Variants in NFATC1 observed in about 807,000 individuals in gnomAD.
NFATC1 encodes the protein nuclear factor of activated T cells 1.
Under a neutral mutation model 76.0 loss-of-function variants are expected in NFATC1, and 22 were observed. That is an observed-to-expected ratio of 0.29 (90% CI 0.21 to 0.41). NFATC1 has a LOEUF of 0.41. Ranked by LOEUF, NFATC1 falls within the 10% of genes least tolerant of loss-of-function variation. The pLI, the probability that NFATC1 is intolerant of heterozygous loss-of-function variation, is 1.00. For missense variants in NFATC1, 1,357 were observed against 1,337.7 expected (o/e 1.01, Z -0.23); for synonymous variants, 704 against 613.1 (o/e 1.15, Z -2.19).
chr18:79,494,175 C>T (rs1207043069), intron 9 of NFATC1, among the ~76,000 whole-genome samples: 4 of 152,252 alleles, frequency 2.6e-5, no homozygotes, highest in African/African-American at 2.4e-5. Context: ...AGCCAGCGAC[C>T]GCGAGGGACA....
intron 2 of NFATC1, among the ~76,000 whole-genome samples, chr18:79,429,220 CAA>C (rs397858514): frequency 0.34 from 32,944 of 96,188 alleles, 4,774 homozygotes; most frequent in African/African-American, 0.53. Context: ...GACTCCGTCT[CAA>C]AAAAAAAAAA....
At chr18:79,506,092 G>A (rs1252495088) in intron 9 of NFATC1, among the ~76,000 whole-genome samples, 1 of 152,176 alleles carries the variant, frequency 6.6e-6, no homozygotes, top group South Asian at 2.1e-4. Flanking sequence ...GGGGCTGGGA[G>A]ACCCTAGCAA....
At chr18:79,507,326 G>A (rs1044431254) in intron 9 of NFATC1, among the ~76,000 whole-genome samples, 1 of 152,274 alleles carries the variant, frequency 6.6e-6, no homozygotes, top group Non-Finnish European at 1.5e-5. Context: ...AGAAGGCACA[G>A]CAGCCTGGAC....
intron 8 of NFATC1, among the ~76,000 whole-genome samples, chr18:79,474,808 C>T (rs1406914932): frequency 8.3e-5 from 12 of 144,730 alleles, no homozygotes; most frequent in African/African-American, 2.1e-4. Flanking sequence ...ACACTGTCGA[C>T]GTAAACCTGA....
chr18:79,451,182 C>A, intron 5 of NFATC1, 56 bp downstream of exon 5: 1 of 1,552,792 alleles, frequency 6.4e-7, no homozygotes, highest in Non-Finnish European at 8.8e-7. Flanking sequence ...ACATGCGCTT[C>A]ACTGTCTCAC....
intron 8 of NFATC1, among the ~76,000 whole-genome samples, chr18:79,472,214 G>A (rs1015206481): frequency 3.3e-5 from 5 of 152,238 alleles, no homozygotes; most frequent in African/African-American, 9.6e-5. Flanking sequence ...ACCCAGGGTC[G>A]ACAGCTGGGG....
rs750826698 is a variant in NFATC1, at chr18:79,486,594, G to A, written c.2439G>A (p.Ser813=). The A allele has an allele frequency of 1.0e-4, 164 of 1,589,512 alleles. No individual in the cohort carries two copies. The highest frequency in any genetic ancestry group is 1.2e-4 in the Non-Finnish European group (140 of 1,172,612). Reference sequence around the variant, plus strand: ...GGCCAGTGGCCACGCACCCCGGCTCGCCCGGGCAGCCACCCCCGGCCCTGC... The same window carrying A: ...GGCCAGTGGCCACGCACCCCGGCTCACCCGGGCAGCCACCCCCGGCCCTGC... ...VPRPVATHPG[S]PGQPPPALLP... The change falls in exon 9 of 10, where the codon TCG becomes TCA. Residue 813 remains serine, a synonymous_variant. Coordinates refer to ENST00000427363, the MANE Select transcript of NFATC1 (RefSeq NM_001278669.2).
chr18:79,399,550 G>A (rs1426763253), intron 1 of NFATC1, among the ~76,000 whole-genome samples: 1 of 152,266 alleles, frequency 6.6e-6, no homozygotes, highest in Non-Finnish European at 1.5e-5. Flanking sequence ...GGCGGCCTCA[G>A]CTAAGCAGCC....
chr18:79,415,068 A>T (rs141581344), intron 2 of NFATC1, among the ~76,000 whole-genome samples: 3 of 152,302 alleles, frequency 2.0e-5, no homozygotes, highest in Non-Finnish European at 4.4e-5. Context: ...GTCCATGTCC[A>T]GGTCTGTCTG....
Position 79,395,962 on chromosome 18 carries a change from G to C in NFATC1, c.-263G>C, listed in dbSNP as rs1450409960. 2 of 199,338 alleles carry C rather than the reference G, an allele frequency of 1.0e-5. No individual in the cohort carries two copies. Among genetic ancestry groups the C allele is most frequent in the Non-Finnish European group, 2.0e-5 (2 of 100,934 alleles). The allele number at this position is 199,338 out of a possible 1,614,324, so 12.3% of individuals were successfully genotyped here. A position where few individuals can be genotyped will look rare whatever the true frequency, so the allele number is the denominator to read the frequency against. On this transcript the variant is annotated 5_prime_UTR_variant, in exon 1 of 10. Transcript: ENST00000427363. The stretch of plus-strand genomic sequence containing the variant: ...AGCGAGACTCAGAGGCTCCGAACTC[G>C]CCGGCGGAGTCGCCGCGCCAGATCC...
At chr18:79,398,219 C>T (rs1021378102) in intron 1 of NFATC1, among the ~76,000 whole-genome samples, 1 of 152,248 alleles carries the variant, frequency 6.6e-6, no homozygotes, top group Non-Finnish European at 1.5e-5. Context: ...GAAGTACAGG[C>T]CTGTAAGTAG....
intron 9 of NFATC1, among the ~76,000 whole-genome samples, chr18:79,493,034 T>C (rs542173490): frequency 7.6e-4 from 115 of 152,116 alleles, no homozygotes; most frequent in African/African-American, 2.7e-3. Context: ...TCCTGAATAT[T>C]GGGCTTTCCC....
rs769706337 is a variant in NFATC1, at chr18:79,410,943, G to A, written c.668G>A (p.Arg223His). The A allele has an allele frequency of 1.0e-5, 16 of 1,602,356 alleles. No homozygotes were observed. Among genetic ancestry groups the A allele is most frequent in the South Asian group, 7.8e-5 (7 of 89,704 alleles). Residue 223 changes from arginine to histidine, a missense_variant, in exon 2 of 10, where the codon CGC becomes CAC. By Grantham distance (29) the Arg-to-His change is conservative (BLOSUM62 0). Transcript: ENST00000427363. This position sits in a 1 kb window ranked among gnomAD's most constrained non-coding sequence, Gnocchi z 6.7. Reference protein sequence around the residue: ...KTTDPEEGFPRGLGACTLLGS... With the variant: ...KTTDPEEGFPHGLGACTLLGS... ...ACGGACCCCGAGGAGGGCTTTCCCC[G>A]CGGGCTGGGGGCCTGCACACTGCTG...
At chr18:79,477,693 T>A (rs868503404) in intron 8 of NFATC1, among the ~76,000 whole-genome samples, 3 of 152,250 alleles carry the variant, frequency 2.0e-5, no homozygotes, top group East Asian at 1.9e-4. Flanking sequence ...GCTTCCATAG[T>A]GGAGCACCAC....
At chr18:79,460,626 A>G (rs2088015837) in intron 6 of NFATC1, among the ~76,000 whole-genome samples, 1 of 152,208 alleles carries the variant, frequency 6.6e-6, no homozygotes, top group Non-Finnish European at 1.5e-5. Context: ...CGTGTTTTGC[A>G]TTTCTGTCTC....
At chr18:79,462,250 G>A (rs7236146) in intron 7 of NFATC1, among the ~76,000 whole-genome samples, 21,283 of 152,192 alleles carry the variant, frequency 0.14, 4,743 homozygotes, top group African/African-American at 0.47. Context: ...TGGAGGCAAC[G>A]TCTTCTTGGG....
chr18:79,435,882 T>C (rs1347460863), intron 3 of NFATC1, among the ~76,000 whole-genome samples: 1 of 152,222 alleles, frequency 6.6e-6, no homozygotes, highest in African/African-American at 2.4e-5. Flanking sequence ...AACGGTCCCC[T>C]GCACGGAGAA....
chr18:79,446,723 A>G lies in NFATC1; in HGVS notation c.1387-2059A>G, dbSNP rs371771442. Among the ~76,000 whole-genome samples the G allele has an allele frequency of 1.4e-4, 21 of 152,192 alleles. No individual in the cohort carries two copies. The South Asian group carries it at 4.4e-3, about 32-fold the overall frequency. On this transcript the variant is annotated intron_variant, in intron 3 of 9. Transcript: ENST00000427363. ...GGAAGGGGGGCTCTATTGGAAAGGG[A>G]AGGGCTTTTTGTTCTGCAGAGTTAC...
chr18:79,443,965 G>A (rs1307966302), intron 3 of NFATC1, among the ~76,000 whole-genome samples: 1 of 152,188 alleles, frequency 6.6e-6, no homozygotes, highest in Non-Finnish European at 1.5e-5. Context: ...GGGTCAGGAG[G>A]GCCTGGCCCT....
Sources: gnomAD v4.1 joint callset for allele counts (sites outside exome capture counted in the v4.1 genomes callset) on GRCh38, gnomAD v4.1.1 for gene constraint, Gnocchi (gnomAD v3.1) non-coding constraint, MANE v1.5 for transcripts, NCBI Gene and HGNC (gene_info 2026-07-23, HGNC 2026-07-21) for gene names.